The following TNPO1 variants were observed in gnomAD, a reference collection of about 807,000 sequenced individuals.
TNPO1 encodes the protein transportin 1.
TNPO1 carries 8 observed loss-of-function variants against 119.5 expected under a neutral mutation model. The observed-to-expected ratio is 0.07, with a 90% confidence interval of 0.04 to 0.12. The LOEUF is 0.12. Among genes scored for constraint, TNPO1 ranks in the 10% least tolerant of loss-of-function variants. The pLI is 1.00. For missense variants in TNPO1, 576 were observed against 1,089.8 expected, an observed-to-expected ratio of 0.53 and a Z score of 6.64; for synonymous variants, 362 against 363.0, an observed-to-expected ratio of 1.00 and a Z score of 0.03.
At chr5:72,834,008 A>G (rs541366892) in intron 1 of TNPO1, among the ~76,000 whole-genome samples, 2 of 152,104 alleles carry the variant, frequency 1.3e-5, no homozygotes, top group African/African-American at 2.4e-5. Flanking sequence ...CATTAACTAC[A>G]CTCATGCATT....
intron 2 of TNPO1, 28 bp downstream of exon 2, chr5:72,848,526 C>G: frequency 6.9e-7 from 1 of 1,451,838 alleles, no homozygotes; most frequent in South Asian, 1.3e-5. Flanking sequence ...TGGCCGCCAC[C>G]CGCGCAGCTC....
Position 72,914,000 on chromosome 5 carries a change from A to G in TNPO1, c.*5327A>G, listed in dbSNP as rs952670102. The G allele has an allele frequency of 1.3e-5, 2 of 152,606 alleles. No homozygotes were observed. The highest frequency in any genetic ancestry group is 2.4e-5 in the African/African-American group (1 of 41,452). The allele number at this position is 152,606 out of a possible 1,614,324, so 9.5% of individuals were successfully genotyped here. A position where few individuals can be genotyped will look rare whatever the true frequency, so the allele number is the denominator to read the frequency against. On this transcript the variant is annotated 3_prime_UTR_variant, in exon 25 of 25. Transcript: ENST00000337273. Reference sequence around the variant, plus strand: ...TAATTTAGTAGCATTAGCTTTAGTTACAAATATAACTGGATCTTTCTGCTG... The same window carrying G: ...TAATTTAGTAGCATTAGCTTTAGTTGCAAATATAACTGGATCTTTCTGCTG...
intron 1 of TNPO1, among the ~76,000 whole-genome samples, chr5:72,827,789 A>G (rs985278491): frequency 6.6e-6 from 1 of 151,824 alleles, no homozygotes; most frequent in Admixed American, 6.6e-5. Flanking sequence ...GCATGGTGGC[A>G]TGTGCCTATA....
Position 72,893,257 on chromosome 5 carries a change from T to TA in TNPO1, c.1896+15dup. On this transcript the variant is annotated intron_variant, in intron 16 of 24. Transcript: ENST00000337273. ...CTTGCACAAGCCATGGTAATTTTTT[T>TA]AAAATGTCTTCCTCTTCTTGACATG... The TA allele has an allele frequency of 6.2e-7, 1 of 1,611,490 alleles. No homozygotes were observed. Among genetic ancestry groups the TA allele is most frequent in the Non-Finnish European group, 8.5e-7 (1 of 1,178,954 alleles).
chr5:72,903,870 AAGTT>A lies in TNPO1; in HGVS notation c.2589+90_2589+93del, dbSNP rs1030373713. On this transcript the variant is annotated intron_variant, in intron 23 of 24. Transcript: ENST00000337273. ...TAAATTATGTTTACATTTTTTGTGA[AAGTT>A]AGGCTCTTCAAGTCAGTATTGATAG... 41 of 888,412 alleles carry A rather than the reference AAGTT, an allele frequency of 4.6e-5. No individual in the cohort carries two copies. The East Asian group carries it at 7.8e-4, about 17-fold the overall frequency. The allele number at this position is 888,412 out of a possible 1,614,324, so 55.0% of individuals were successfully genotyped here.
intron 4 of TNPO1, among the ~76,000 whole-genome samples, chr5:72,860,514 C>T (rs1746357521): frequency 6.6e-6 from 1 of 152,242 alleles, no homozygotes; most frequent in Non-Finnish European, 1.5e-5. Flanking sequence ...AATTCATTGA[C>T]TATCACAACT....
At chr5:72,863,598 C>T (rs1746649595) in intron 5 of TNPO1, among the ~76,000 whole-genome samples, 1 of 151,984 alleles carries the variant, frequency 6.6e-6, no homozygotes, top group African/African-American at 2.4e-5. Context: ...CCCATCTCTA[C>T]TGAAATACAA....
chr5:72,843,657 T>C (rs1745011007), intron 1 of TNPO1, among the ~76,000 whole-genome samples: 1 of 152,012 alleles, frequency 6.6e-6, no homozygotes, highest in Non-Finnish European at 1.5e-5. Context: ...CAATTGTACC[T>C]TGTTTTGTTT....
At chr5:72,886,997 G>T in intron 11 of TNPO1, 73 bp from the exon 12 acceptor site, 6 of 1,262,894 alleles carry the variant, frequency 4.8e-6, no homozygotes, top group East Asian at 3.2e-5. Flanking sequence ...CGAATAAAAT[G>T]TTACATATAC....
chr5:72,863,936 A>G (rs1258464535), intron 5 of TNPO1, among the ~76,000 whole-genome samples: 1 of 152,226 alleles, frequency 6.6e-6, no homozygotes, highest in African/African-American at 2.4e-5. Flanking sequence ...TAATTGTGAA[A>G]TTGTTGAGCT....
At chr5:72,905,475 G>A in intron 24 of TNPO1, 30 bp downstream of exon 24, 1 of 1,185,754 alleles carries the variant, frequency 8.4e-7, no homozygotes, top group Non-Finnish European at 1.2e-6. Context: ...GAAATTTTCA[G>A]GATGAAGAAA....
chr5:72,843,366 G>A lies in TNPO1; in HGVS notation c.16-5019G>A, dbSNP rs571123083. Among the ~76,000 whole-genome samples the A allele has an allele frequency of 2.6e-5, 4 of 152,210 alleles. No individual in the cohort carries two copies. The East Asian group carries it at 7.7e-4, about 29-fold the overall frequency. On this transcript the variant is annotated intron_variant, in intron 1 of 24. Transcript: ENST00000337273. ...CCCAGCACTTTAGGAGGCTGAGGCGGGCAGATCACTTGAGGTCAGGAGTTC... is the reference window on the plus strand; with the variant it reads ...CCCAGCACTTTAGGAGGCTGAGGCGAGCAGATCACTTGAGGTCAGGAGTTC...
chr5:72,861,378 CGGAAT>C (rs1439865731), intron 4 of TNPO1, among the ~76,000 whole-genome samples: 1 of 151,994 alleles, frequency 6.6e-6, no homozygotes, highest in Non-Finnish European at 1.5e-5. Context: ...CCACAAGGTA[CGGAAT>C]GGTGATATGG....
intron 14 of TNPO1, 49 bp from the exon 15 acceptor site, chr5:72,891,761 G>T: frequency 7.5e-7 from 1 of 1,334,992 alleles, no homozygotes; most frequent in African/African-American, 1.5e-5. Flanking sequence ...AAATGGTCTT[G>T]TTGACATGTG....
intron 4 of TNPO1, among the ~76,000 whole-genome samples, chr5:72,859,157 C>G (rs1192169796): frequency 1.3e-5 from 2 of 152,148 alleles, no homozygotes; most frequent in African/African-American, 2.4e-5. Context: ...TGCAAGTACT[C>G]TGACTCTACA....
Position 72,893,688 on chromosome 5 carries a change from G to A in TNPO1, c.2128G>A (p.Val710Ile). The change falls in exon 18 of 25, where the codon GTT becomes ATT. Residue 710 changes from valine (V) to isoleucine (I), a missense_variant. Coordinates refer to ENST00000337273, the MANE Select transcript of TNPO1 (RefSeq NM_002270.4). ...CCTCACAAAAGCTTGCTTTCAGCAT[G>A]TTAAGCCTTGTATAGGTATGAATAT... ...GDLTKACFQH[V>I]KPCIADFMPI... The A allele has an allele frequency of 6.2e-7, 1 of 1,614,160 alleles. No homozygotes were observed. The highest frequency in any genetic ancestry group is 8.5e-7 in the Non-Finnish European group (1 of 1,179,998).
chr5:72,907,226 C>T (rs1200882409), intron 24 of TNPO1, among the ~76,000 whole-genome samples: 2 of 152,130 alleles, frequency 1.3e-5, no homozygotes. Context: ...TATGAGAATG[C>T]AAAAGATGAG....
At chr5:72,894,264 A>G (rs778269423) in intron 18 of TNPO1, among the ~76,000 whole-genome samples, 48 of 152,174 alleles carry the variant, frequency 3.2e-4, no homozygotes, top group Non-Finnish European at 2.4e-4. Flanking sequence ...TTCTGTGACA[A>G]TGATAAGAAA....
In TNPO1 at chr5:72,891,796, A is replaced by G. The variant is rs1579919545; in HGVS notation, c.1702-14A>G. 3 of 1,565,988 alleles carry G rather than the reference A, an allele frequency of 1.9e-6. No individual in the cohort carries two copies. The highest frequency in any genetic ancestry group is 2.6e-6 in the Non-Finnish European group (3 of 1,146,958). ...GATAGTGGAATTTTATATGTTTTTC[A>G]TCATTGTAAATAGGAATATATTCAG... is the stretch of plus-strand genomic sequence containing the variant. On this transcript the variant is annotated splice_polypyrimidine_tract_variant and intron_variant, in intron 14 of 24. Transcript: ENST00000337273.
Sources: allele counts gnomAD v4.1 joint callset (sites outside exome capture counted in the v4.1 genomes callset), GRCh38; gene constraint gnomAD v4.1.1; transcripts MANE v1.5; gene names NCBI Gene and HGNC (gene_info 2026-07-23, HGNC 2026-07-21).